NKD1: variants seen among roughly 807,000 people sequenced by gnomAD.
The protein encoded by NKD1 is NKD inhibitor of Wnt signaling pathway 1.
In NKD1, 21 loss-of-function variants were observed where a neutral mutation model predicts 56.0. That is an observed-to-expected ratio of 0.38 (90% CI 0.27 to 0.54). The LOEUF is 0.54. Among genes scored for constraint, NKD1 ranks in the 20% least tolerant of loss-of-function variants. The pLI is 0.82. For missense variants in NKD1, 578 were observed against 642.7 expected (o/e 0.90, Z 1.09); for synonymous variants, 263 against 265.7 (o/e 0.99, Z 0.10).
In NKD1 at chr16:50,630,208, C is replaced by T. The variant is rs549644047; in HGVS notation, c.485C>T (p.Thr162Ile). 6.2e-7 allele frequency: 1 copy of T among 1,614,104 alleles called. No individual in the cohort carries two copies. Among genetic ancestry groups the T allele is most frequent in the South Asian group, 1.1e-5 (1 of 91,082 alleles). The change falls in exon 7 of 10, where the codon ACC (threonine) becomes ATC (isoleucine). Residue 162 changes from threonine to isoleucine, a missense_variant. Physicochemically the swap from Thr to Ile is moderately conservative, Grantham distance 89 (BLOSUM62 -1). Transcript: ENST00000268459. Reference sequence around the variant, plus strand: ...CAGGACATCACCAGCTTGCTGCACACCATCTATGAGGTGGTGGACTCCTCT... The same window carrying T: ...CAGGACATCACCAGCTTGCTGCACATCATCTATGAGGTGGTGGACTCCTCT... ...TREDITSLLH[T>I]IYEVVDSSVN... is the part of the protein sequence containing the mutation.
chr16:50,629,760 A>G (rs1043553881), intron 6 of NKD1, among the ~76,000 whole-genome samples: 1 of 152,054 alleles, frequency 6.6e-6, no homozygotes, highest in African/African-American at 2.4e-5. Context: ...TGAGACCCCC[A>G]TCTCAAACAA....
At chr16:50,602,017 G>A (rs979982355) in intron 3 of NKD1, among the ~76,000 whole-genome samples, 1 of 152,178 alleles carries the variant, frequency 6.6e-6, no homozygotes, top group African/African-American at 2.4e-5. Flanking sequence ...GCCCTTTGAT[G>A]AGGATTATTT....
chr16:50,624,756 C>T lies in NKD1; in HGVS notation c.367-729C>T, dbSNP rs531543336. Among the ~76,000 whole-genome samples, 28 of 152,320 alleles carry T rather than the reference C, an allele frequency of 1.8e-4. 1 individual carries two copies. The South Asian group carries it at 5.4e-3, about 29-fold the overall frequency. On this transcript the variant is annotated intron_variant, in intron 5 of 9. Transcript: ENST00000268459. ...CCCAGGGAGGGGTGAGGAGGCCTGG[C>T]GTTTCCACTGCCTCCTGTCCCTCCC...
chr16:50,555,005 C>T (rs953273544), intron 3 of NKD1, among the ~76,000 whole-genome samples: 5 of 152,122 alleles, frequency 3.3e-5, no homozygotes, highest in African/African-American at 1.2e-4. Context: ...GGTTCCTGCC[C>T]TCCTGTGGCA....
At chr16:50,608,066 G>A (rs1294829024) in intron 3 of NKD1, 2 of 545,286 alleles carry the variant, frequency 3.7e-6, no homozygotes. Flanking sequence ...ACCCAGTGGA[G>A]CCATAGCCTG....
intron 3 of NKD1, among the ~76,000 whole-genome samples, chr16:50,551,204 A>G (rs1314971526): frequency 7.0e-6 from 1 of 141,926 alleles, no homozygotes; most frequent in Non-Finnish European, 1.5e-5. Context: ...AGAGGAATGC[A>G]GGCCACTAAA....
chr16:50,590,766 T>C (rs1288339258), intron 3 of NKD1, among the ~76,000 whole-genome samples: 1 of 152,224 alleles, frequency 6.6e-6, no homozygotes, highest in African/African-American at 2.4e-5. Context: ...GCAATGCCGT[T>C]TGCTCCTTTA....
rs1453400632 is a variant in NKD1, at chr16:50,647,180, C to T, written c.*13399C>T. The T allele has an allele frequency of 6.6e-6, 1 of 152,178 alleles. No individual in the cohort carries two copies. Among genetic ancestry groups the T allele is most frequent in the Non-Finnish European group, 1.5e-5 (1 of 68,050 alleles). The allele number at this position is 152,178 out of a possible 1,614,324, so 9.4% of individuals were successfully genotyped here. ...AGTTGACCCCATCATCCTTTCTGTCCATAGGTGATTCGTCTAAGCCAGACA... is the reference window on the plus strand; with the variant it reads ...AGTTGACCCCATCATCCTTTCTGTCTATAGGTGATTCGTCTAAGCCAGACA... On this transcript the variant is annotated 3_prime_UTR_variant, in exon 10 of 10. Transcript: ENST00000268459.
At chr16:50,620,303 C>T (rs1388972908) in intron 4 of NKD1, among the ~76,000 whole-genome samples, 2 of 152,234 alleles carry the variant, frequency 1.3e-5, no homozygotes, top group Admixed American at 1.3e-4. Flanking sequence ...CCCTTGGGTC[C>T]TTGCTTGCAA....
At chr16:50,578,875 A>G (rs1030759932) in intron 3 of NKD1, among the ~76,000 whole-genome samples, 5 of 152,182 alleles carry the variant, frequency 3.3e-5, no homozygotes, top group African/African-American at 1.2e-4. Flanking sequence ...TGGAGAAGTC[A>G]CTTGACATCC....
chr16:50,598,458 A>T lies in NKD1; in HGVS notation c.193-9836A>T, dbSNP rs553236869. 2.0e-5 allele frequency among the ~76,000 whole-genome samples: 3 copies of T among 152,260 alleles called. No homozygotes were observed. The South Asian group carries it at 6.2e-4, about 32-fold the overall frequency. ...CCAAGCCCCTTCCCTGGGCAGGAGC[A>T]CACATCCTTTCCCCACAGTGAGGTG... On this transcript the variant is annotated intron_variant, in intron 3 of 9. Coordinates refer to ENST00000268459, the MANE Select transcript of NKD1 (RefSeq NM_033119.5). The surrounding 1 kb of genome is among the most constrained non-coding windows in gnomAD (Gnocchi z 4.2).
intron 3 of NKD1, among the ~76,000 whole-genome samples, chr16:50,589,821 CCTCTCCTCTCTTTT>C (rs1260486651): frequency 3.3e-5 from 4 of 120,534 alleles, no homozygotes; most frequent in African/African-American, 6.3e-5. Context: ...CCTCTCCTCT[CCTCTCCTCTCTTTT>C]CTCTTCTCTT....
intron 4 of NKD1, among the ~76,000 whole-genome samples, chr16:50,611,717 T>A (rs1271680051): frequency 2.0e-5 from 3 of 152,218 alleles, no homozygotes; most frequent in Non-Finnish European, 2.9e-5. Context: ...TCCTGTGAAT[T>A]CGCAGCTCAG....
chr16:50,620,393 TCA>T, intron 4 of NKD1, among the ~76,000 whole-genome samples: 1 of 152,198 alleles, frequency 6.6e-6, no homozygotes, highest in South Asian at 2.1e-4. Flanking sequence ...CCCAGCGGCC[TCA>T]TTTCTCCAGG....
chr16:50,549,243 G>A (rs1960317622), intron 2 of NKD1, among the ~76,000 whole-genome samples, 179 bp from the exon 3 acceptor site: 1 of 150,924 alleles, frequency 6.6e-6, no homozygotes, highest in Non-Finnish European at 1.5e-5. Context: ...CTAGGGCTTC[G>A]CTGAACCCCC....
chr16:50,602,580 G>A (rs1438937714), intron 3 of NKD1, among the ~76,000 whole-genome samples: 1 of 152,168 alleles, frequency 6.6e-6, no homozygotes, highest in Non-Finnish European at 1.5e-5. Flanking sequence ...TAAGGCTGGG[G>A]TTTATGACCC....
At chr16:50,630,940 G>C (rs1184617978) in intron 8 of NKD1, 30 bp downstream of exon 8, 1 of 1,525,548 alleles carries the variant, frequency 6.6e-7, no homozygotes, top group East Asian at 2.4e-5. Flanking sequence ...ATGAGCATAT[G>C]TTGAGCACCA....
At chr16:50,571,521 C>T (rs1304107922) in intron 3 of NKD1, 5 of 985,284 alleles carry the variant, frequency 5.1e-6, no homozygotes, top group Non-Finnish European at 6.0e-6. Flanking sequence ...ACTCTTGAGA[C>T]CCATCTGCGC....
chr16:50,615,667 G>A (rs748131782), intron 4 of NKD1, among the ~76,000 whole-genome samples: 5 of 152,200 alleles, frequency 3.3e-5, no homozygotes, highest in Non-Finnish European at 7.3e-5. Flanking sequence ...CCTCCTTAGG[G>A]GAAAGGGGGC....
Sources: allele counts gnomAD v4.1 joint callset (sites outside exome capture counted in the v4.1 genomes callset), GRCh38; gene constraint gnomAD v4.1.1; non-coding constraint Gnocchi (gnomAD v3.1); transcripts MANE v1.5; gene names NCBI Gene and HGNC (gene_info 2026-07-23, HGNC 2026-07-21).